MECOM: variants seen among roughly 807,000 people sequenced by gnomAD.
MECOM encodes MDS1 and EVI1 complex locus.
In MECOM, 13 loss-of-function variants were observed where a neutral mutation model predicts 116.3. The ratio of observed to expected loss-of-function variants is 0.11; its 90% CI spans 0.07 to 0.18. The LOEUF (loss-of-function observed/expected upper bound fraction) is 0.18. MECOM is among the 10% of genes least tolerant of loss of function. The pLI, the probability that MECOM is intolerant of heterozygous loss-of-function variation, is 1.00. For synonymous variants in MECOM, 528 were observed against 535.2 expected (o/e 0.99, Z 0.19); for missense variants, 1,299 against 1,509.0 (o/e 0.86, Z 2.31).
intron 1 of MECOM, among the ~76,000 whole-genome samples, chr3:169,627,403 C>T (rs1464495643): frequency 6.6e-6 from 1 of 152,232 alleles, no homozygotes; most frequent in East Asian, 1.9e-4. Context: ...CATTACCCAG[C>T]AGCTTAATTA....
intron 1 of MECOM, among the ~76,000 whole-genome samples, chr3:169,527,211 G>A (rs182400800): frequency 1.4e-3 from 211 of 152,360 alleles, no homozygotes; most frequent in Admixed American, 7.1e-3. Flanking sequence ...GAAGGAGGGG[G>A]AGGAGGAATT....
At chr3:169,567,597 C>T (rs953406163) in intron 1 of MECOM, among the ~76,000 whole-genome samples, 3 of 152,088 alleles carry the variant, frequency 2.0e-5, no homozygotes, top group African/African-American at 7.2e-5. Context: ...AATTGAGGCA[C>T]AGAAGTATGA....
chr3:169,169,600 TAA>T (rs1419664031), intron 2 of MECOM, among the ~76,000 whole-genome samples: 4 of 152,052 alleles, frequency 2.6e-5, no homozygotes, highest in Non-Finnish European at 2.9e-5. Flanking sequence ...AAAAGAAACC[TAA>T]GTGTCATCCA....
rs140378489 is a variant in MECOM at position 169,268,646 on chromosome 3, C to T, written c.375+112541G>A. ...GTTTGCTTCAATAAAAGATTAAACG[C>T]TAATAGTGCAACTTACCGCACTCAA... On this transcript the variant is annotated intron_variant, in intron 2 of 16. Transcript: ENST00000651503. Among the ~76,000 whole-genome samples, 256 of 152,294 alleles carry T rather than the reference C, an allele frequency of 1.7e-3. 1 individual carries two copies. Among genetic ancestry groups the T allele is most frequent in the African/African-American group, 5.6e-3 (232 of 41,564 alleles).
rs746546730 is a variant in MECOM at position 169,102,146 on chromosome 3, T to C, written c.2685A>G (p.Ser895=). Residue 895 remains serine, a synonymous_variant, in exon 11 of 17, where the codon TCA becomes TCG. Coordinates refer to ENST00000651503, the MANE Select transcript of MECOM (RefSeq NM_004991.4). The stretch of plus-strand genomic sequence containing the variant: ...CCCTGAAGTTGAACATAGAGGGCAC[T>C]GACTGTAAGAGCTCACTGGCCTCAG... ...LKPEASELLQ[S]VPSMFNFRAP... is the part of the protein sequence containing the mutation. 8.1e-6 allele frequency: 13 copies of C among 1,613,848 alleles called. 1 individual carries two copies. In the South Asian group the frequency reaches 1.2e-4, roughly 15 times the overall value.
intron 2 of MECOM, among the ~76,000 whole-genome samples, chr3:169,312,094 T>C (rs1412750972): frequency 6.6e-6 from 1 of 152,102 alleles, no homozygotes; most frequent in Admixed American, 6.5e-5. Flanking sequence ...GGGACGCCAC[T>C]AGAGAGTCTG....
At chr3:169,323,346 T>G (rs745518390) in intron 2 of MECOM, among the ~76,000 whole-genome samples, 2 of 152,170 alleles carry the variant, frequency 1.3e-5, no homozygotes, top group Non-Finnish European at 2.9e-5. Context: ...GGGAGTTCCA[T>G]GTGGTAGTAA....
chr3:169,244,925 A>C (rs771941933), intron 2 of MECOM, among the ~76,000 whole-genome samples: 4 of 152,236 alleles, frequency 2.6e-5, no homozygotes, highest in Non-Finnish European at 4.4e-5. Context: ...TGACACAAAC[A>C]GTTGATACAT....
chr3:169,429,922 T>A (rs1741335427), intron 1 of MECOM, among the ~76,000 whole-genome samples: 1 of 152,198 alleles, frequency 6.6e-6, no homozygotes, highest in African/African-American at 2.4e-5. Context: ...AGAGTCCCAC[T>A]GTCTCTCCTA....
chr3:169,632,257 A>G (rs1052330739), intron 1 of MECOM, among the ~76,000 whole-genome samples: 4 of 152,154 alleles, frequency 2.6e-5, no homozygotes, highest in African/African-American at 9.7e-5. Flanking sequence ...AGCTATGTGA[A>G]AAACTCAGAA....
chr3:169,310,718 T>C (rs1430116405), intron 2 of MECOM, among the ~76,000 whole-genome samples: 1 of 152,234 alleles, frequency 6.6e-6, no homozygotes, highest in Non-Finnish European at 1.5e-5. Context: ...TAATTAGTTA[T>C]GATGTGCACA....
At chr3:169,131,388 G>A (rs1378182320) in intron 4 of MECOM, 41 bp downstream of exon 4, 4 of 1,494,706 alleles carry the variant, frequency 2.7e-6, no homozygotes, top group Admixed American at 1.7e-5. Context: ...TTATAGTCGC[G>A]ATGATAAGGT....
At chr3:169,483,100 G>C (rs1751578686) in intron 1 of MECOM, among the ~76,000 whole-genome samples, 1 of 151,914 alleles carries the variant, frequency 6.6e-6, no homozygotes, top group Non-Finnish European at 1.5e-5. Context: ...TACTCGACTA[G>C]CAGCCAAAAC....
chr3:169,304,210 T>C (rs1330003041), intron 2 of MECOM, among the ~76,000 whole-genome samples: 15 of 152,248 alleles, frequency 9.9e-5, no homozygotes, highest in Admixed American at 9.8e-4. Context: ...ACAGCCTTGA[T>C]ATTTTAAAAT....
At chr3:169,504,155 GTGT>G (rs1754908304) in intron 1 of MECOM, among the ~76,000 whole-genome samples, 1 of 92,364 alleles carries the variant, frequency 1.1e-5, no homozygotes, top group Admixed American at 8.9e-5. Context: ...AGAGAAGTGT[GTGT>G]GTGTGTGTGT....
intron 2 of MECOM, among the ~76,000 whole-genome samples, chr3:169,172,028 C>T (rs966274299): frequency 2.6e-5 from 4 of 151,832 alleles, no homozygotes; most frequent in African/African-American, 9.7e-5. Flanking sequence ...CTGTATGAAA[C>T]AGGCAATACT....
chr3:169,650,848 C>T (rs1030912128), intron 1 of MECOM, among the ~76,000 whole-genome samples: 2 of 151,968 alleles, frequency 1.3e-5, no homozygotes, highest in Non-Finnish European at 2.9e-5. Flanking sequence ...TGGACACTAC[C>T]CAAATGTCAT....
chr3:169,355,987 C>A (rs1727208376), intron 2 of MECOM, among the ~76,000 whole-genome samples: 1 of 151,758 alleles, frequency 6.6e-6, no homozygotes, highest in Non-Finnish European at 1.5e-5. Context: ...AGAGTAAAAG[C>A]AAAGGTCTTA....
At chr3:169,307,262 C>T (rs1188266389) in intron 2 of MECOM, among the ~76,000 whole-genome samples, 1 of 152,154 alleles carries the variant, frequency 6.6e-6, no homozygotes, top group Non-Finnish European at 1.5e-5. Flanking sequence ...GCATCATCAC[C>T]TCCCTAGAAT....
Sources: gnomAD v4.1 joint callset for allele counts (sites outside exome capture counted in the v4.1 genomes callset) on GRCh38, gnomAD v4.1.1 for gene constraint, MANE v1.5 for transcripts, NCBI Gene and HGNC (gene_info 2026-07-23, HGNC 2026-07-21) for gene names.